KCNN1: variants seen among roughly 807,000 people sequenced by gnomAD.
The protein encoded by KCNN1 is potassium calcium-activated channel subfamily N member 1, also known as small conductance calcium-activated potassium channel protein 1.
A neutral mutation model predicts 44.7 loss-of-function variants in KCNN1; 20 were observed. The observed-to-expected ratio is 0.45, with a 90% CI of 0.32 to 0.65. The LOEUF is 0.65. KCNN1 is among the 30% of genes least tolerant of loss of function. KCNN1 has a pLI of 0.05. For synonymous variants in KCNN1, 324 were observed against 341.7 expected, an observed-to-expected ratio of 0.95 and a Z score of 0.57; for missense variants, 632 against 785.3, an observed-to-expected ratio of 0.80 and a Z score of 2.33.
At chr19:17,978,587 G>A (rs1351338334) in intron 3 of KCNN1, among the ~76,000 whole-genome samples, 1 of 151,650 alleles carries the variant, frequency 6.6e-6, no homozygotes, top group Non-Finnish European at 1.5e-5. Context: ...GCCATGCCCA[G>A]CTAAATGTAA....
intron 7 of KCNN1, among the ~76,000 whole-genome samples, chr19:17,990,292 C>T (rs1468967740): frequency 2.7e-5 from 4 of 150,834 alleles, no homozygotes; most frequent in African/African-American, 9.8e-5. Context: ...CAACACCATC[C>T]GTGGCAATAC....
chr19:17,993,016 C>T lies in KCNN1; in HGVS notation c.1299-38C>T. On this transcript the variant is annotated intron_variant, in intron 7 of 9. Transcript: ENST00000684775. This position sits in a 1 kb window ranked among gnomAD's most constrained non-coding sequence, Gnocchi z 4.5. Reference sequence around the variant, plus strand: ...AACAACTGTGCTGAGGTTAAAATTGCCTTGTGATTTTTCTCCTGCTCTGCC... The same window carrying T: ...AACAACTGTGCTGAGGTTAAAATTGTCTTGTGATTTTTCTCCTGCTCTGCC... 1 of 1,612,640 alleles carries T rather than the reference C, an allele frequency of 6.2e-7. No homozygotes were observed. The highest frequency in any genetic ancestry group is 8.5e-7 in the Non-Finnish European group (1 of 1,179,312).
At chr19:17,961,756 T>C (rs1377666304) in intron 2 of KCNN1, among the ~76,000 whole-genome samples, 2 of 152,098 alleles carry the variant, frequency 1.3e-5, no homozygotes, top group Non-Finnish European at 2.9e-5. Flanking sequence ...CTAAGTTTTA[T>C]ATTTTTAGTA....
intron 2 of KCNN1, among the ~76,000 whole-genome samples, chr19:17,955,011 C>G (rs886093440): frequency 3.4e-5 from 5 of 148,070 alleles, no homozygotes; most frequent in African/African-American, 1.2e-4. Flanking sequence ...GCACTCCAGC[C>G]TGGGCGACAG....
upstream of KCNN1, among the ~76,000 whole-genome samples, chr19:17,963,659 C>G (rs2031734811): frequency 6.6e-6 from 1 of 152,094 alleles, no homozygotes; most frequent in Non-Finnish European, 1.5e-5. Flanking sequence ...CACCCTAACT[C>G]AAGTCTCCCT....
intron 9 of KCNN1, among the ~76,000 whole-genome samples, chr19:17,996,612 T>C (rs1295356854): frequency 6.6e-6 from 1 of 150,622 alleles, no homozygotes; most frequent in Non-Finnish European, 1.5e-5. Context: ...GTCTCAAAAA[T>C]AAAAATAAAA....
intron 7 of KCNN1, among the ~76,000 whole-genome samples, 182 bp from the exon 8 acceptor site, chr19:17,992,872 A>G (rs2032843749): frequency 6.6e-6 from 1 of 152,220 alleles, no homozygotes; most frequent in Non-Finnish European, 1.5e-5. Flanking sequence ...GGGCTGGCAC[A>G]GAACCCTCAG....
intron 1 of KCNN1, among the ~76,000 whole-genome samples, chr19:17,968,112 G>A (rs2031881937): frequency 6.6e-6 from 1 of 150,666 alleles, no homozygotes; most frequent in African/African-American, 2.4e-5. Context: ...GCGGGAAGGG[G>A]GATCCTCGGA....
chr19:17,975,647 C>G (rs985974869), intron 3 of KCNN1, among the ~76,000 whole-genome samples: 5 of 151,934 alleles, frequency 3.3e-5, no homozygotes, highest in Non-Finnish European at 7.4e-5. Flanking sequence ...TCTCGAACTC[C>G]TGACCTCCAG....
At chr19:17,992,923 A>C in intron 7 of KCNN1, 131 bp from the exon 8 acceptor site, 1 of 1,157,276 alleles carries the variant, frequency 8.6e-7, no homozygotes, top group Non-Finnish European at 1.3e-6. Context: ...CCCCTCGGCC[A>C]TCTGGGAACC....
chr19:17,998,548 A>T lies in KCNN1; in HGVS notation c.*142A>T. 1.1e-6 allele frequency: 1 copy of T among 888,004 alleles called. No individual in the cohort carries two copies. The allele number at this position is 888,004 out of a possible 1,614,324, so 55.0% of individuals were successfully genotyped here. A position where few individuals can be genotyped will look rare whatever the true frequency, so the allele number is the denominator to read the frequency against. On this transcript the variant is annotated 3_prime_UTR_variant, in exon 10 of 10. Coordinates refer to ENST00000684775, the MANE Select transcript of KCNN1 (RefSeq NM_001386974.1). This position sits in a 1 kb window ranked among gnomAD's most constrained non-coding sequence, Gnocchi z 5.4. ...GTGGACTGAGGCCTGCCCCGCCCAGACTGCCCAGGCAGAGGGCAGGGCTGG... is the reference window on the plus strand; with the variant it reads ...GTGGACTGAGGCCTGCCCCGCCCAGTCTGCCCAGGCAGAGGGCAGGGCTGG...
rs1213006283 is a variant in KCNN1, at chr19:17,988,409, A to T, written c.1060-6A>T. On this transcript the variant is annotated splice_region_variant and splice_polypyrimidine_tract_variant and intron_variant, in intron 5 of 9. Coordinates refer to ENST00000684775, the MANE Select transcript of KCNN1 (RefSeq NM_001386974.1). ...CGCTGATGTGCCCCCTCTGCCCTGC[A>T]CACAGGGAGCTGGCTGTACCGCGCT... The T allele has an allele frequency of 1.9e-6, 3 of 1,608,956 alleles. No individual in the cohort carries two copies. The highest frequency in any genetic ancestry group is 1.7e-5 in the Admixed American group (1 of 59,066).
intron 4 of KCNN1, 148 bp from the exon 5 acceptor site, chr19:17,985,164 G>A (rs995623199): frequency 2.4e-5 from 15 of 633,338 alleles, no homozygotes; most frequent in Admixed American, 1.8e-4. Context: ...GGGAGAGGGT[G>A]CGCCTGTCCT....
Position 17,982,110 on chromosome 19 carries a change from C to G in KCNN1, c.900C>G (p.Thr300=), listed in dbSNP as rs768574265. The G allele has an allele frequency of 1.2e-5, 19 of 1,577,130 alleles. No homozygotes were observed. The highest frequency in any genetic ancestry group is 9.4e-5 in the African/African-American group (7 of 74,314). ...SISSWIIAAW[T]VRVCERYHDK... ...CCTCCTGGATCATCGCAGCCTGGAC[C>G]GTGCGCGTCTGCGAGAGGTGCGACC... The change falls in exon 4 of 10, where the codon ACC becomes ACG. Residue 300 remains threonine (T), a synonymous_variant. Transcript: ENST00000684775.
Position 17,974,061 on chromosome 19 carries a change from G to C in KCNN1, c.173G>C (p.Ser58Thr). ...GAGCCAGCCCGGCCCTCACCCGGCA[G>C]CCCCCGGGGGCAGCCCCAGGACCAG... ...KSEPARPSPG[S>T]PRGQPQDQDD... Residue 58 changes from serine (S) to threonine (T), a missense_variant, in exon 2 of 10, where the codon AGC (serine) becomes ACC (threonine). Coordinates refer to ENST00000684775, the MANE Select transcript of KCNN1 (RefSeq NM_001386974.1). The surrounding 1 kb of genome is among the most constrained non-coding windows in gnomAD (Gnocchi z 7.3). 1 of 1,611,058 alleles carries C rather than the reference G, an allele frequency of 6.2e-7. No homozygotes were observed. Among genetic ancestry groups the C allele is most frequent in the Non-Finnish European group, 8.5e-7 (1 of 1,179,594 alleles).
chr19:17,979,825 C>G (rs938354992), intron 3 of KCNN1, among the ~76,000 whole-genome samples: 6 of 151,538 alleles, frequency 4.0e-5, no homozygotes, highest in Admixed American at 3.3e-4. Flanking sequence ...TTTAGAATGA[C>G]TTTATTGCTT....
chr19:17,953,608 C>G (rs781140882), intron 1 of KCNN1, among the ~76,000 whole-genome samples: 92 of 152,208 alleles, frequency 6.0e-4, no homozygotes, highest in Non-Finnish European at 1.2e-3. Context: ...GCCAAGGGAG[C>G]TACAGGCTCC....
In KCNN1 at chr19:17,982,124, A is replaced by G. The variant is rs2032435353; in HGVS notation, c.914A>G (p.Glu305Gly). 6.5e-7 allele frequency: 1 copy of G among 1,548,792 alleles called. No individual in the cohort carries two copies. Among genetic ancestry groups the G allele is most frequent in the Non-Finnish European group, 8.7e-7 (1 of 1,148,308 alleles). Residue 305 changes from glutamate (E) to glycine (G), a missense_variant, in exon 4 of 10, where the codon GAG becomes GGG. Physicochemically the swap from Glu to Gly is moderately conservative, Grantham distance 98 (BLOSUM62 -2). Transcript: ENST00000684775. ...IIAAWTVRVC[E>G]RYHDKQEVTS... is the part of the protein sequence containing the mutation. Reference sequence around the variant, plus strand: ...GCAGCCTGGACCGTGCGCGTCTGCGAGAGGTGCGACCGCCGCCCCTGGAGC... The same window carrying G: ...GCAGCCTGGACCGTGCGCGTCTGCGGGAGGTGCGACCGCCGCCCCTGGAGC...
chr19:17,995,174 C>CTTT (rs201597845), intron 9 of KCNN1, among the ~76,000 whole-genome samples: 2 of 142,402 alleles, frequency 1.4e-5, no homozygotes, highest in Non-Finnish European at 3.1e-5. Context: ...AGGGAATCTT[C>CTTT]TTTTTTTTTT....
Sources: allele counts gnomAD v4.1 joint callset (sites outside exome capture counted in the v4.1 genomes callset), GRCh38; gene constraint gnomAD v4.1.1; non-coding constraint Gnocchi (gnomAD v3.1); transcripts MANE v1.5; gene names NCBI Gene and HGNC (gene_info 2026-07-23, HGNC 2026-07-21).